NDFIP2: variants seen among roughly 807,000 people sequenced by gnomAD.
NDFIP2 encodes NEDD4 family-interacting protein 2.
Under a neutral mutation model 36.0 loss-of-function variants are expected in NDFIP2, and 19 were observed. That is an observed-to-expected ratio of 0.53 (90% CI 0.37 to 0.77). The LOEUF (loss-of-function observed/expected upper bound fraction) is 0.77, where lower values mean the gene tolerates loss of function less well. NDFIP2 is among the 30% of genes least tolerant of loss of function. The pLI is 0.00. For synonymous variants in NDFIP2, 181 were observed against 167.7 expected, an observed-to-expected ratio of 1.08 and a Z score of -0.61; for missense variants, 446 against 435.8, an observed-to-expected ratio of 1.02 and a Z score of -0.21.
At chr13:79,540,384 A>G (rs186264224) in intron 4 of NDFIP2, among the ~76,000 whole-genome samples, 1 of 152,202 alleles carries the variant, frequency 6.6e-6, no homozygotes, top group Non-Finnish European at 1.5e-5. Flanking sequence ...CATTATTTCA[A>G]TTCATAATAC....
At chr13:79,512,599 A>T (rs959034376) in intron 1 of NDFIP2, among the ~76,000 whole-genome samples, 11 of 152,184 alleles carry the variant, frequency 7.2e-5, no homozygotes, top group Non-Finnish European at 1.3e-4. Context: ...GCAGGGTCTG[A>T]TTGGAGAGCT....
intron 1 of NDFIP2, among the ~76,000 whole-genome samples, chr13:79,502,752 A>G (rs1008874934): frequency 6.6e-6 from 1 of 152,116 alleles, no homozygotes; most frequent in African/African-American, 2.4e-5. Context: ...ATTGGTGAGG[A>G]AATAAAAGTA....
chr13:79,550,878 A>G (rs1875882456), intron 6 of NDFIP2, 139 bp from the exon 7 acceptor site: 3 of 532,458 alleles, frequency 5.6e-6, no homozygotes, highest in Non-Finnish European at 1.0e-5. Context: ...AGTGTAAAAT[A>G]TATTACAGAA....
At chr13:79,521,073 T>C in intron 2 of NDFIP2, 98 bp downstream of exon 2, 1 of 979,932 alleles carries the variant, frequency 1.0e-6, no homozygotes, top group East Asian at 2.6e-5. Context: ...TATAAACATA[T>C]ATACACATGG....
chr13:79,535,122 A>G (rs1302494052), intron 3 of NDFIP2, among the ~76,000 whole-genome samples: 1 of 152,192 alleles, frequency 6.6e-6, no homozygotes, highest in African/African-American at 2.4e-5. Context: ...TTTTGTCTAA[A>G]TAAGTTCTCG....
At chr13:79,492,985 C>T (rs1873301808) in intron 1 of NDFIP2, among the ~76,000 whole-genome samples, 1 of 152,130 alleles carries the variant, frequency 6.6e-6, no homozygotes, top group Non-Finnish European at 1.5e-5. Context: ...CCTTTTACCT[C>T]CCCATCTCCA....
rs893156918 is a variant in NDFIP2, at chr13:79,481,425, C to T, written c.222C>T (p.Ala74=). The change falls in exon 1 of 8, where the codon GCC becomes GCT. Residue 74 remains alanine (A), a synonymous_variant. Transcript: ENST00000218652. ...PAATTSSTGV[A]VGAEHGEDSL... is the part of the protein sequence containing the mutation. ...CGACGACGTCGTCGACGGGGGTGGCCGTGGGAGCTGAGCACGGAGAAGACT... is the reference window on the plus strand; with the variant it reads ...CGACGACGTCGTCGACGGGGGTGGCTGTGGGAGCTGAGCACGGAGAAGACT... The T allele has an allele frequency of 6.4e-7, 1 of 1,559,256 alleles. No individual in the cohort carries two copies. The highest frequency in any genetic ancestry group is 2.4e-5 in the East Asian group (1 of 42,010).
chr13:79,520,023 A>G (rs902291408), intron 1 of NDFIP2, among the ~76,000 whole-genome samples: 4 of 151,800 alleles, frequency 2.6e-5, no homozygotes, highest in African/African-American at 9.7e-5. Context: ...CTGGTCTCAA[A>G]CTCCTGGCCT....
At chr13:79,497,450 C>T (rs1873474969) in intron 1 of NDFIP2, among the ~76,000 whole-genome samples, 1 of 151,980 alleles carries the variant, frequency 6.6e-6, no homozygotes. Context: ...GGAAACTTAC[C>T]TGGTGCAGGT....
rs1226858324 is a variant in NDFIP2, at chr13:79,481,790, T to TCCACACA, written c.321+269_321+275dup. Among the ~76,000 whole-genome samples, 3 of 152,264 alleles carry TCCACACA rather than the reference T, an allele frequency of 2.0e-5. No individual in the cohort carries two copies. The East Asian group carries it at 5.8e-4, about 29-fold the overall frequency. ...TAGCCCCGCTGTGAGACGCCCTCCC[T>TCCACACA]CCACACACCTTACAACTTGTATCCG... On this transcript the variant is annotated intron_variant, in intron 1 of 7. Transcript: ENST00000218652.
intron 1 of NDFIP2, among the ~76,000 whole-genome samples, chr13:79,506,487 A>G (rs933959433): frequency 6.6e-6 from 1 of 152,086 alleles, no homozygotes; most frequent in African/African-American, 2.4e-5. Flanking sequence ...TGTTTTTTCC[A>G]GTTTCCTATT....
At chr13:79,501,086 AT>A (rs1873648544) in intron 1 of NDFIP2, among the ~76,000 whole-genome samples, 1 of 152,038 alleles carries the variant, frequency 6.6e-6, no homozygotes, top group Non-Finnish European at 1.5e-5. Context: ...ATACTATGTG[AT>A]TTAAACTGTA....
At chr13:79,538,367 C>G (rs1875325105) in intron 3 of NDFIP2, among the ~76,000 whole-genome samples, 1 of 152,230 alleles carries the variant, frequency 6.6e-6, no homozygotes, top group African/African-American at 2.4e-5. Flanking sequence ...AGCATTAACT[C>G]AAAGAGTCAA....
At chr13:79,528,542 C>G (rs931442672) in intron 2 of NDFIP2, among the ~76,000 whole-genome samples, 2 of 152,188 alleles carry the variant, frequency 1.3e-5, no homozygotes, top group African/African-American at 4.8e-5. Context: ...TTCACGTTCA[C>G]TCGTCACTCA....
intron 3 of NDFIP2, among the ~76,000 whole-genome samples, chr13:79,534,666 C>T (rs1240206050): frequency 2.6e-5 from 4 of 151,972 alleles, no homozygotes. Context: ...TCCCTGGATT[C>T]ACCCCATTTT....
chr13:79,505,960 A>G (rs59604922), intron 1 of NDFIP2, among the ~76,000 whole-genome samples: 6,519 of 152,268 alleles, frequency 0.043, 485 homozygotes, highest in African/African-American at 0.15. Flanking sequence ...ACTTTCTTGT[A>G]AAGACGAAAA....
At chr13:79,511,746 A>G (rs1267036115) in intron 1 of NDFIP2, among the ~76,000 whole-genome samples, 1 of 152,162 alleles carries the variant, frequency 6.6e-6, no homozygotes, top group African/African-American at 2.4e-5. Flanking sequence ...ACCAAGATGA[A>G]CAAAGCATAT....
intron 4 of NDFIP2, among the ~76,000 whole-genome samples, chr13:79,542,134 T>A (rs1190901869): frequency 6.6e-6 from 1 of 152,214 alleles, no homozygotes; most frequent in Non-Finnish European, 1.5e-5. Context: ...ATTGACAGTC[T>A]ATGGAAATGA....
intron 5 of NDFIP2, 30 bp downstream of exon 5, chr13:79,543,712 T>A: frequency 6.2e-7 from 1 of 1,604,522 alleles, no homozygotes; most frequent in Non-Finnish European, 8.5e-7. Context: ...GTATCTCTTT[T>A]ATCTCTAAAA....
Sources: allele counts gnomAD v4.1 joint callset (sites outside exome capture counted in the v4.1 genomes callset), GRCh38; gene constraint gnomAD v4.1.1; transcripts MANE v1.5; gene names NCBI Gene and HGNC (gene_info 2026-07-23, HGNC 2026-07-21).